The following AGBL3 variants were observed in gnomAD, a reference collection of about 807,000 sequenced individuals.
AGBL3 encodes the protein AGBL carboxypeptidase 3.
A neutral mutation model predicts 94.5 loss-of-function variants in AGBL3; 68 were observed. The ratio of observed to expected loss-of-function variants is 0.72; its 90% CI spans 0.59 to 0.88. The LOEUF (loss-of-function observed/expected upper bound fraction) is 0.88. Among genes scored for constraint, AGBL3 ranks in the 40% least tolerant of loss-of-function variants. The probability of loss-of-function intolerance (pLI) is 0.00; values close to 1 mark genes in which losing one functional copy is unlikely to be tolerated. For synonymous variants in AGBL3, 354 were observed against 370.7 expected (o/e 0.95, Z 0.52); for missense variants, 934 against 1,103.8 (o/e 0.85, Z 2.18).
chr7:135,066,237 G>C (rs1819288440), intron 12 of AGBL3, among the ~76,000 whole-genome samples: 1 of 152,096 alleles, frequency 6.6e-6, no homozygotes, highest in African/African-American at 2.4e-5. Flanking sequence ...TCTGAACAGG[G>C]GGTAATCTCC....
intron 11 of AGBL3, among the ~76,000 whole-genome samples, chr7:135,047,466 T>C (rs2116583168): frequency 6.6e-6 from 1 of 152,106 alleles, no homozygotes; most frequent in South Asian, 2.1e-4. Flanking sequence ...CTGTTTTCAG[T>C]AGCAGCTGCA....
intron 11 of AGBL3, 137 bp from the exon 12 acceptor site, chr7:135,059,032 C>T (rs1818590883): frequency 1.5e-6 from 1 of 653,488 alleles, no homozygotes. Flanking sequence ...ACTCGGATTA[C>T]AGGCATGAGT....
At chr7:135,130,567 T>G (rs1284306292) in intron 16 of AGBL3, among the ~76,000 whole-genome samples, 3 of 151,898 alleles carry the variant, frequency 2.0e-5, no homozygotes, top group African/African-American at 4.8e-5. Flanking sequence ...ATGTTTTTAT[T>G]TCCTCTGCTG....
intron 2 of AGBL3, 61 bp downstream of exon 2, chr7:134,988,057 TTAAAA>T: frequency 1.7e-6 from 2 of 1,159,904 alleles, no homozygotes; most frequent in Non-Finnish European, 2.4e-6. Flanking sequence ...AAATCCCCAA[TTAAAA>T]TATTATAAAA....
At chr7:135,019,419 G>C (rs79264656) in intron 5 of AGBL3, among the ~76,000 whole-genome samples, 2,725 of 151,824 alleles carry the variant, frequency 0.018, 35 homozygotes, top group Admixed American at 0.031. Flanking sequence ...TATAAACTTT[G>C]CTTTTCCCAA....
intron 4 of AGBL3, among the ~76,000 whole-genome samples, chr7:135,009,768 T>C (rs990787671): frequency 6.6e-6 from 1 of 152,212 alleles, no homozygotes; most frequent in Non-Finnish European, 1.5e-5. Context: ...CCCAAGGGGC[T>C]TCACACTCAC....
chr7:135,000,018 G>A (rs79221820), intron 4 of AGBL3, among the ~76,000 whole-genome samples: 1 of 152,190 alleles, frequency 6.6e-6, no homozygotes, highest in Admixed American at 6.5e-5. Flanking sequence ...TTCAAAGTAG[G>A]CTCCAGTGGA....
chr7:135,039,936 T>G (rs1188755330), intron 8 of AGBL3, among the ~76,000 whole-genome samples: 3 of 151,730 alleles, frequency 2.0e-5, no homozygotes, highest in Non-Finnish European at 4.4e-5. Flanking sequence ...CTGACAAAAC[T>G]TTACCAAGAT....
rs1258366609 is a variant in AGBL3, at chr7:135,096,576, GATAGATAC to G, written c.2110+14794_2110+14801del. On this transcript the variant is annotated intron_variant, in intron 15 of 16. Coordinates refer to ENST00000436302, the MANE Select transcript of AGBL3 (RefSeq NM_178563.4). Reference sequence around the variant, plus strand: ...AGAAAGAAAGATAGATAGATAGATAGATAGATACATAGATAGATAGATAGATAGATAGA... The same window carrying G: ...AGAAAGAAAGATAGATAGATAGATAGATAGATAGATAGATAGATAGATAGA... Among the ~76,000 whole-genome samples the G allele has an allele frequency of 4.3e-3, 111 of 26,012 alleles. 2 individuals are homozygous for G. The highest frequency in any genetic ancestry group is 8.0e-3 in the African/African-American group (89 of 11,158). The allele number at this position is 26,012 out of a possible 152,430, so 17.1% of individuals were successfully genotyped here.
chr7:135,110,923 G>A (rs1048875647), intron 15 of AGBL3, among the ~76,000 whole-genome samples: 1 of 152,120 alleles, frequency 6.6e-6, no homozygotes, highest in African/African-American at 2.4e-5. Context: ...AGCCCTGCTG[G>A]AGAAAAATTA....
intron 15 of AGBL3, among the ~76,000 whole-genome samples, chr7:135,112,814 G>A (rs1825823460): frequency 6.6e-6 from 1 of 152,112 alleles, no homozygotes; most frequent in Non-Finnish European, 1.5e-5. Context: ...TGATTGCTCT[G>A]TCACACAGGC....
intron 15 of AGBL3, among the ~76,000 whole-genome samples, chr7:135,103,223 T>G (rs536721685): frequency 6.6e-6 from 1 of 152,312 alleles, no homozygotes; most frequent in South Asian, 2.1e-4. Context: ...TATAATCATT[T>G]CTTCTAATGC....
At chr7:135,102,942 T>C (rs192005799) in intron 15 of AGBL3, among the ~76,000 whole-genome samples, 268 of 152,292 alleles carry the variant, frequency 1.8e-3, no homozygotes, top group Admixed American at 4.8e-3. Flanking sequence ...ATCAAAATCA[T>C]TCTCTTTAAA....
intron 11 of AGBL3, among the ~76,000 whole-genome samples, chr7:135,046,719 C>A (rs1298468197): frequency 6.6e-6 from 1 of 152,018 alleles, no homozygotes; most frequent in Non-Finnish European, 1.5e-5. Context: ...TATCAGTTTA[C>A]CTACTGAAGG....
chr7:135,036,131 T>C (rs1023945017), intron 7 of AGBL3, among the ~76,000 whole-genome samples: 4 of 152,092 alleles, frequency 2.6e-5, no homozygotes, highest in Admixed American at 1.3e-4. Context: ...ATAAATACTA[T>C]TGCTAACATT....
chr7:135,107,667 G>A (rs1379953908), intron 15 of AGBL3, among the ~76,000 whole-genome samples: 1 of 152,130 alleles, frequency 6.6e-6, no homozygotes, highest in Non-Finnish European at 1.5e-5. Context: ...TGTACCATAT[G>A]GCAATGAGAA....
chr7:135,121,280 A>G (rs1827094946), intron 16 of AGBL3, among the ~76,000 whole-genome samples: 1 of 152,214 alleles, frequency 6.6e-6, no homozygotes, highest in African/African-American at 2.4e-5. Flanking sequence ...GGAGAAATAG[A>G]CAAATTCACA....
At chr7:135,000,960 A>G (rs1308617505) in intron 4 of AGBL3, among the ~76,000 whole-genome samples, 1 of 152,180 alleles carries the variant, frequency 6.6e-6, no homozygotes, top group African/African-American at 2.4e-5. Context: ...ATTCTATACT[A>G]TTTCCAACTA....
chr7:135,041,815 A>G (rs1816886305), intron 8 of AGBL3, among the ~76,000 whole-genome samples: 1 of 152,214 alleles, frequency 6.6e-6, no homozygotes, highest in African/African-American at 2.4e-5. Flanking sequence ...AAGAACTTTT[A>G]TCCAGAATAA....
Sources: gnomAD v4.1 joint callset for allele counts (sites outside exome capture counted in the v4.1 genomes callset) on GRCh38, gnomAD v4.1.1 for gene constraint, MANE v1.5 for transcripts, NCBI Gene and HGNC (gene_info 2026-07-23, HGNC 2026-07-21) for gene names.